GLYATL3: variants seen among roughly 807,000 people sequenced by gnomAD.
GLYATL3 encodes glycine N-acyltransferase-like protein 3.
In GLYATL3, 31 loss-of-function variants were observed where a neutral mutation model predicts 28.5. That is an observed-to-expected ratio of 1.09 (90% CI 0.82 to 1.47). The LOEUF is 1.47. GLYATL3 is among the 40% of genes most tolerant of loss of function. GLYATL3 has a pLI of 0.00. For missense variants in GLYATL3, 369 were observed against 351.5 expected, an observed-to-expected ratio of 1.05 and a Z score of -0.40; for synonymous variants, 141 against 140.2, an observed-to-expected ratio of 1.01 and a Z score of -0.04.
chr6:49,524,180 G>C (rs1769362452), intron 5 of GLYATL3, among the ~76,000 whole-genome samples: 1 of 24,382 alleles, frequency 4.1e-5, no homozygotes, highest in Non-Finnish European at 9.7e-5. Flanking sequence ...TTTATTTGCA[G>C]TGATATTTCT....
rs1162293657 is a variant in GLYATL3, at chr6:49,515,777, T to C, written c.186+17T>C. ...CAAAGAGAGGTACAGTTTTGAAAGG[T>C]AAAAAGTTTAAAAATAATAAGAATT... On this transcript the variant is annotated intron_variant, in intron 3 of 5. Coordinates refer to ENST00000371197, the MANE Select transcript of GLYATL3 (RefSeq NM_001010904.2). 1 of 1,368,604 alleles carries C rather than the reference T, an allele frequency of 7.3e-7. No homozygotes were observed. The highest frequency in any genetic ancestry group is 1.0e-6 in the Non-Finnish European group (1 of 980,184). 84.8% of individuals were successfully genotyped at this position (1,368,604 alleles called of 1,614,324 possible).
In GLYATL3 at chr6:49,526,998, G is replaced by A. The variant is rs377278179; in HGVS notation, c.*84G>A. On this transcript the variant is annotated 3_prime_UTR_variant, in exon 6 of 6. Coordinates refer to ENST00000371197, the MANE Select transcript of GLYATL3 (RefSeq NM_001010904.2). ...TGCCAACGAGGGGAGAGTTAAAATG[G>A]GAATCAGGGGACTCTTGAGTTGTTG... The A allele has an allele frequency of 9.4e-5, 93 of 990,208 alleles. No individual in the cohort carries two copies. In the South Asian group the frequency reaches 1.0e-3, roughly 11 times the overall value. The allele number at this position is 990,208 out of a possible 1,614,324, so 61.3% of individuals were successfully genotyped here.
chr6:49,501,059 T>A (rs937966132), intron 1 of GLYATL3, among the ~76,000 whole-genome samples: 1 of 152,170 alleles, frequency 6.6e-6, no homozygotes, highest in Non-Finnish European at 1.5e-5. Context: ...TGCATGAGTA[T>A]AGTCTAGAAG....
rs1769445453 is a variant in GLYATL3 at position 49,527,576 on chromosome 6, A to G, written c.*662A>G. On this transcript the variant is annotated 3_prime_UTR_variant, in exon 6 of 6. Coordinates refer to ENST00000371197, the MANE Select transcript of GLYATL3 (RefSeq NM_001010904.2). ...CACTAGGCCTCTCCTTCTACGAGGT[A>G]GGGCCCAAAATTTGCATTTCTAACA... Among the ~76,000 whole-genome samples, 1 of 152,092 alleles carries G rather than the reference A, an allele frequency of 6.6e-6. No homozygotes were observed. Among genetic ancestry groups the G allele is most frequent in the African/African-American group, 2.4e-5 (1 of 41,422 alleles).
intron 1 of GLYATL3, among the ~76,000 whole-genome samples, chr6:49,510,165 C>T (rs1769095931): frequency 2.0e-5 from 3 of 152,040 alleles, no homozygotes; most frequent in Admixed American, 6.6e-5. Context: ...ACCTCAGCCT[C>T]CCTAGTAGCT....
chr6:49,512,287 T>A (rs1413301630), intron 2 of GLYATL3, among the ~76,000 whole-genome samples: 2 of 148,964 alleles, frequency 1.3e-5, no homozygotes, highest in African/African-American at 2.5e-5. Context: ...TTTCTTTCTT[T>A]TTTTTTTTTT....
chr6:49,526,567 A>C lies in GLYATL3; in HGVS notation c.520A>C (p.Asn174His), dbSNP rs1769419103. 2 of 1,551,742 alleles carry C rather than the reference A, an allele frequency of 1.3e-6. No homozygotes were observed. The highest frequency in any genetic ancestry group is 1.7e-6 in the Non-Finnish European group (2 of 1,147,012). ...CAACCGGACTTGGTCCCGGGGAGGCAATGAACAATGTCTCCGGTACATCGC... is the reference window on the plus strand; with the variant it reads ...CAACCGGACTTGGTCCCGGGGAGGCCATGAACAATGTCTCCGGTACATCGC... ...LLNRTWSRGG[N>H]EQCLRYIANL... The change falls in exon 6 of 6, where the codon AAT becomes CAT. Residue 174 changes from asparagine to histidine, a missense_variant. Physicochemically the swap from Asn to His is moderately conservative, Grantham distance 68 (BLOSUM62 1). Coordinates refer to ENST00000371197, the MANE Select transcript of GLYATL3 (RefSeq NM_001010904.2).
intron 1 of GLYATL3, among the ~76,000 whole-genome samples, chr6:49,502,231 C>T (rs545515898): frequency 6.6e-6 from 1 of 152,222 alleles, no homozygotes. Flanking sequence ...GAACAATAAA[C>T]CAATAGCACA....
At chr6:49,504,121 G>A (rs765539824) in intron 1 of GLYATL3, among the ~76,000 whole-genome samples, 4 of 152,196 alleles carry the variant, frequency 2.6e-5, no homozygotes, top group Non-Finnish European at 5.9e-5. Context: ...TAATCAGGAG[G>A]AGGCAGAGGT....
Position 49,521,642 on chromosome 6 carries a change from C to A in GLYATL3, c.314-3C>A. 6.5e-7 allele frequency: 1 copy of A among 1,547,134 alleles called. No homozygotes were observed. The highest frequency in any genetic ancestry group is 8.7e-7 in the Non-Finnish European group (1 of 1,144,816). On this transcript the variant is annotated splice_polypyrimidine_tract_variant and splice_region_variant and intron_variant, in intron 4 of 5. Transcript: ENST00000371197. ...ATATTAAATTATGTCTTTCTATACA[C>A]AGGGCTGCAGAGTGAGTTATATGAT...
At chr6:49,514,426 A>G (rs1234027691) in intron 2 of GLYATL3, among the ~76,000 whole-genome samples, 4 of 152,212 alleles carry the variant, frequency 2.6e-5, no homozygotes, top group Admixed American at 2.6e-4. Context: ...TGGTGGTAAA[A>G]AGGATTCCTA....
rs1324050363 is a variant in GLYATL3 at position 49,526,746 on chromosome 6, G to T, written c.699G>T (p.Thr233=). Residue 233 remains threonine (T), a synonymous_variant, in exon 6 of 6, where the codon ACG becomes ACT. Coordinates refer to ENST00000371197, the MANE Select transcript of GLYATL3 (RefSeq NM_001010904.2). ...RKGYSRLVAL[T]LARKLQSRGF... ...GTTACAGCCGGCTGGTGGCCCTCAC[G>T]CTGGCCAGGAAGTTGCAAAGCCGGG... 2 of 1,551,700 alleles carry T rather than the reference G, an allele frequency of 1.3e-6. No homozygotes were observed. Among genetic ancestry groups the T allele is most frequent in the South Asian group, 1.2e-5 (1 of 84,050 alleles).
intron 5 of GLYATL3, among the ~76,000 whole-genome samples, chr6:49,523,959 G>A (rs1369303217): frequency 2.0e-5 from 3 of 149,806 alleles, no homozygotes; most frequent in African/African-American, 7.3e-5. Flanking sequence ...TTGAAATGGG[G>A]TTTTAACTTG....
rs1769423001 is a variant in GLYATL3, at chr6:49,526,687, C to T, written c.640C>T (p.His214Tyr). ...CACAGACCAGTTTGCCACCATGTGCCATGGCTACACCCTGCCAGAACATCG... is the reference window on the plus strand; with the variant it reads ...CACAGACCAGTTTGCCACCATGTGCTATGGCTACACCCTGCCAGAACATCG... ...SITDQFATMCHGYTLPEHRRK... is the reference protein window; with the variant it reads ...SITDQFATMCYGYTLPEHRRK... Residue 214 changes from histidine (H) to tyrosine (Y), a missense_variant, in exon 6 of 6, where the codon CAT becomes TAT. By Grantham distance (83) the His-to-Tyr change is moderately conservative (BLOSUM62 2). Coordinates refer to ENST00000371197, the MANE Select transcript of GLYATL3 (RefSeq NM_001010904.2). 6.4e-7 allele frequency: 1 copy of T among 1,551,702 alleles called. No individual in the cohort carries two copies. Among genetic ancestry groups the T allele is most frequent in the East Asian group, 2.4e-5 (1 of 40,920 alleles).
At chr6:49,502,812 T>C (rs1768938297) in intron 1 of GLYATL3, among the ~76,000 whole-genome samples, 1 of 152,150 alleles carries the variant, frequency 6.6e-6, no homozygotes, top group Non-Finnish European at 1.5e-5. Flanking sequence ...TTTAATAATT[T>C]TCTGTAGAAT....
At chr6:49,513,620 A>C (rs1486543841) in intron 2 of GLYATL3, among the ~76,000 whole-genome samples, 1 of 152,224 alleles carries the variant, frequency 6.6e-6, no homozygotes, top group Non-Finnish European at 1.5e-5. Context: ...GATTAACAGA[A>C]CAAACATGAC....
At chr6:49,517,719 A>G (rs1484741412) in intron 4 of GLYATL3, among the ~76,000 whole-genome samples, 163 bp downstream of exon 4, 1 of 152,068 alleles carries the variant, frequency 6.6e-6, no homozygotes, top group African/African-American at 2.4e-5. Flanking sequence ...TACCATTTCT[A>G]TATTCTAGTG....
chr6:49,522,675 G>A (rs866770240), intron 5 of GLYATL3, among the ~76,000 whole-genome samples: 18 of 152,094 alleles, frequency 1.2e-4, no homozygotes, highest in African/African-American at 2.4e-4. Context: ...CCACCTCAAC[G>A]AATGTTAATT....
chr6:49,500,527 C>G (rs1253024507), intron 1 of GLYATL3, among the ~76,000 whole-genome samples: 1 of 152,118 alleles, frequency 6.6e-6, no homozygotes, highest in Non-Finnish European at 1.5e-5. Context: ...GAGTGTCATG[C>G]TTTCATTGTT....
Sources: gnomAD v4.1 joint callset for allele counts (sites outside exome capture counted in the v4.1 genomes callset) on GRCh38, gnomAD v4.1.1 for gene constraint, MANE v1.5 for transcripts, NCBI Gene and HGNC (gene_info 2026-07-23, HGNC 2026-07-21) for gene names.